Variants in IGSF21 observed in about 807,000 individuals in gnomAD.
The protein encoded by IGSF21 is immunoglobin superfamily member 21, also known as immunoglobulin superfamily member 21.
In IGSF21, 28 loss-of-function variants were observed where a neutral mutation model predicts 46.8. The ratio of observed to expected loss-of-function variants is 0.60; its 90% confidence interval spans 0.44 to 0.82. The LOEUF (loss-of-function observed/expected upper bound fraction) is 0.82, where lower values mean the gene tolerates loss of function less well. Ranked by LOEUF, IGSF21 falls within the 40% of genes least tolerant of loss-of-function variation. The pLI, the probability that IGSF21 is intolerant of heterozygous loss-of-function variation, is 0.00. For synonymous variants in IGSF21, 284 were observed against 273.6 expected, an observed-to-expected ratio of 1.04 and a Z score of -0.38; for missense variants, 624 against 665.5, an observed-to-expected ratio of 0.94 and a Z score of 0.69.
intron 3 of IGSF21, among the ~76,000 whole-genome samples, chr1:18,299,589 A>G (rs2085342053): frequency 6.6e-6 from 1 of 152,168 alleles, no homozygotes; most frequent in South Asian, 2.1e-4. Context: ...TTGACCACTC[A>G]GCAAACACAC....
intron 1 of IGSF21, among the ~76,000 whole-genome samples, chr1:18,108,985 A>AGTGTGTGTGTGTGTGTGGGTGTGTGTGT (rs2086117001): frequency 7.8e-6 from 1 of 127,800 alleles, no homozygotes; most frequent in Non-Finnish European, 1.6e-5. Context: ...TGAGCAGCTC[A>AGTGTGTGTGTGTGTGTGGGTGTGTGTGT]GTGTGTGTGT....
At chr1:18,119,278 C>T (rs2086212801) in intron 1 of IGSF21, among the ~76,000 whole-genome samples, 1 of 152,236 alleles carries the variant, frequency 6.6e-6, no homozygotes, top group Admixed American at 6.5e-5. Context: ...TCTTGCCCCA[C>T]TGGGGCTTAC....
intron 2 of IGSF21, among the ~76,000 whole-genome samples, chr1:18,250,117 C>CCCTT (rs2084825815): frequency 7.5e-6 from 1 of 133,862 alleles, no homozygotes; most frequent in Non-Finnish European, 1.6e-5. Flanking sequence ...CTCCCTCCCT[C>CCCTT]CCTCCCTCCC....
At position 18,376,157 on chromosome 1, in the gene IGSF21, C is replaced by T. The variant is rs2086278340; in HGVS notation, c.1016-153C>T. 3 of 700,112 alleles carry T rather than the reference C, an allele frequency of 4.3e-6. No individual in the cohort carries two copies. In the South Asian group the frequency reaches 4.7e-5, roughly 11 times the overall value. 43.4% of individuals were successfully genotyped at this position (700,112 alleles called of 1,614,324 possible). A position where few individuals can be genotyped will look rare whatever the true frequency, so the allele number is the denominator to read the frequency against. On this transcript the variant is annotated intron_variant, in intron 6 of 9. Transcript: ENST00000251296. ...AGGGAATATGTCTGAATGAATGCAGCTGTGAATGAGTGAATGAATGAATGA... is the reference window on the plus strand; with the variant it reads ...AGGGAATATGTCTGAATGAATGCAGTTGTGAATGAGTGAATGAATGAATGA...
At chr1:18,156,643 TAG>T (rs2086572490) in intron 1 of IGSF21, among the ~76,000 whole-genome samples, 1 of 152,188 alleles carries the variant, frequency 6.6e-6, no homozygotes, top group African/African-American at 2.4e-5. Context: ...CCTCTTAATT[TAG>T]CTCAAATGTT....
intron 2 of IGSF21, among the ~76,000 whole-genome samples, chr1:18,283,127 T>C (rs1039636848): frequency 5.9e-5 from 9 of 152,062 alleles, no homozygotes; most frequent in Admixed American, 6.5e-5. Context: ...GCAGCCGCTC[T>C]CCTCCCTGCC....
At chr1:18,131,364 T>C (rs1422001997) in intron 1 of IGSF21, among the ~76,000 whole-genome samples, 1 of 152,170 alleles carries the variant, frequency 6.6e-6, no homozygotes, top group African/African-American at 2.4e-5. Context: ...CACACTGTCA[T>C]ATAAAGTGAA....
At chr1:18,217,079 C>T (rs1358926977) in intron 1 of IGSF21, among the ~76,000 whole-genome samples, 1 of 152,092 alleles carries the variant, frequency 6.6e-6, no homozygotes, top group Non-Finnish European at 1.5e-5. Flanking sequence ...CATGGTCCAT[C>T]CCAGCAAGAC....
chr1:18,120,197 C>G (rs1330083786), intron 1 of IGSF21, among the ~76,000 whole-genome samples: 3 of 152,176 alleles, frequency 2.0e-5, no homozygotes, highest in Admixed American at 2.0e-4. Context: ...CCCCTTGGAG[C>G]TAGAAGAGTG....
At chr1:18,175,628 C>G (rs893722502) in intron 1 of IGSF21, among the ~76,000 whole-genome samples, 1 of 152,136 alleles carries the variant, frequency 6.6e-6, no homozygotes, top group East Asian at 1.9e-4. Flanking sequence ...CTCCCTTCCT[C>G]TGTCCAGTCC....
chr1:18,231,060 T>C (rs926576622), intron 2 of IGSF21, among the ~76,000 whole-genome samples: 1 of 152,158 alleles, frequency 6.6e-6, no homozygotes, highest in South Asian at 2.1e-4. Context: ...AGGAAATGAA[T>C]AGATTACACA....
At chr1:18,189,899 G>T (rs944904454) in intron 1 of IGSF21, among the ~76,000 whole-genome samples, 15 of 152,174 alleles carry the variant, frequency 9.9e-5, no homozygotes, top group African/African-American at 3.6e-4. Flanking sequence ...CTTAGCCACT[G>T]CCCTTTGGTT....
At chr1:18,212,330 G>C (rs78528282) in intron 1 of IGSF21, among the ~76,000 whole-genome samples, 2,927 of 152,288 alleles carry the variant, frequency 0.019, 91 homozygotes, top group African/African-American at 0.066. Context: ...GCTGTCCCCA[G>C]GTCTGTCTGA....
intron 3 of IGSF21, among the ~76,000 whole-genome samples, chr1:18,296,696 T>C (rs1405158418): frequency 6.6e-6 from 1 of 152,184 alleles, no homozygotes; most frequent in Non-Finnish European, 1.5e-5. Context: ...AGGTGGCGTG[T>C]CCTGAACCCC....
chr1:18,165,343 C>T (rs921649019), intron 1 of IGSF21, among the ~76,000 whole-genome samples: 2 of 152,130 alleles, frequency 1.3e-5, no homozygotes, highest in Admixed American at 6.5e-5. Flanking sequence ...CACCTTTTTG[C>T]GGAGTCCTCA....
intron 1 of IGSF21, among the ~76,000 whole-genome samples, chr1:18,134,026 C>T (rs1454657887): frequency 6.6e-6 from 1 of 152,198 alleles, no homozygotes; most frequent in Non-Finnish European, 1.5e-5. Flanking sequence ...GCTTTGGAGA[C>T]AGCAGTGAGC....
chr1:18,123,555 G>T (rs921430233), intron 1 of IGSF21, among the ~76,000 whole-genome samples: 6 of 152,236 alleles, frequency 3.9e-5, no homozygotes, highest in Non-Finnish European at 5.9e-5. Context: ...GTTGACATAG[G>T]TACCAAGTCC....
At chr1:18,287,572 C>T (rs1227484717) in intron 2 of IGSF21, among the ~76,000 whole-genome samples, 1 of 152,164 alleles carries the variant, frequency 6.6e-6, no homozygotes, top group South Asian at 2.1e-4. Flanking sequence ...CCAGGCAAAC[C>T]CACACATCCA....
At chr1:18,228,075 T>C in intron 2 of IGSF21, 65 bp downstream of exon 2, 1 of 1,238,042 alleles carries the variant, frequency 8.1e-7, no homozygotes, top group Non-Finnish European at 1.2e-6. Flanking sequence ...CTCAGAGCCC[T>C]CTGGACACCC....
Sources: allele counts gnomAD v4.1 joint callset (sites outside exome capture counted in the v4.1 genomes callset), GRCh38; gene constraint gnomAD v4.1.1; transcripts MANE v1.5; gene names NCBI Gene and HGNC (gene_info 2026-07-23, HGNC 2026-07-21).